VWA8: variants seen among roughly 807,000 people sequenced by gnomAD.
VWA8 encodes the protein von Willebrand factor A domain containing 8, also known as von Willebrand factor A domain-containing protein 8.
A neutral mutation model predicts 241.5 loss-of-function variants in VWA8; 221 were observed. The ratio of observed to expected loss-of-function variants is 0.91; its 90% CI spans 0.82 to 1.02. The LOEUF (loss-of-function observed/expected upper bound fraction) is 1.02, where lower values mean the gene tolerates loss of function less well. VWA8 is among the 50% of genes least tolerant of loss of function. The pLI, the probability that VWA8 is intolerant of heterozygous loss-of-function variation, is 0.00. For missense variants in VWA8, 2,322 were observed against 2,328.7 expected (o/e 1.00, Z 0.06); for synonymous variants, 852 against 827.1 (o/e 1.03, Z -0.52).
intron 1 of VWA8, among the ~76,000 whole-genome samples, chr13:41,958,921 A>T (rs1013884748): frequency 6.6e-6 from 1 of 152,240 alleles, no homozygotes; most frequent in African/African-American, 2.4e-5. Context: ...ATACGTATAT[A>T]ATACAGACTT....
intron 17 of VWA8, among the ~76,000 whole-genome samples, chr13:41,795,864 T>C (rs1346993941): frequency 6.6e-6 from 1 of 152,032 alleles, no homozygotes; most frequent in Admixed American, 6.6e-5. Flanking sequence ...ACCTAGGTGA[T>C]GGGTTGATCT....
intron 37 of VWA8, among the ~76,000 whole-genome samples, chr13:41,631,372 C>T (rs964273271): frequency 8.5e-5 from 13 of 152,092 alleles, no homozygotes; most frequent in Middle Eastern, 3.4e-3. Context: ...CCGGGTTATT[C>T]TTAAATCCTG....
In VWA8 at chr13:41,623,374, T is replaced by C. The variant is rs113801273; in HGVS notation, c.4612-8290A>G. ...GAAGTCACTTGTCTCTAATCTCCTA[T>C]GTAAGTAAATAATACATGTCCTTAT... On this transcript the variant is annotated intron_variant, in intron 37 of 44. Transcript: ENST00000379310. Among the ~76,000 whole-genome samples the C allele has an allele frequency of 4.6e-3, 703 of 152,302 alleles. 10 individuals are homozygous for C. The highest frequency in any genetic ancestry group is 0.016 in the African/African-American group (662 of 41,572).
At chr13:41,952,411 CT>C in intron 1 of VWA8, among the ~76,000 whole-genome samples, 1 of 152,248 alleles carries the variant, frequency 6.6e-6, no homozygotes, top group South Asian at 2.1e-4. Flanking sequence ...TCTACAGTAG[CT>C]TTTCTTTTAA....
intron 20 of VWA8, among the ~76,000 whole-genome samples, chr13:41,770,570 G>A (rs1475896071): frequency 6.6e-6 from 1 of 151,992 alleles, no homozygotes; most frequent in Non-Finnish European, 1.5e-5. Flanking sequence ...AGACAAGATA[G>A]AGCCACTTTC....
intron 26 of VWA8, among the ~76,000 whole-genome samples, chr13:41,717,437 C>T (rs1593716330): frequency 6.6e-6 from 1 of 151,876 alleles, no homozygotes. Flanking sequence ...GAATGGTGAG[C>T]TCTTTGAGGG....
Position 41,568,074 on chromosome 13 carries a change from G to C in VWA8, c.*123C>G, listed in dbSNP as rs1342470896. 1.3e-6 allele frequency: 1 copy of C among 783,608 alleles called. No individual in the cohort carries two copies. Among genetic ancestry groups the C allele is most frequent in the Non-Finnish European group, 2.1e-6 (1 of 478,352 alleles). The allele number at this position is 783,608 out of a possible 1,614,324, so 48.5% of individuals were successfully genotyped here. On this transcript the variant is annotated 3_prime_UTR_variant, in exon 45 of 45. Coordinates refer to ENST00000379310, the MANE Select transcript of VWA8 (RefSeq NM_015058.2). The stretch of plus-strand genomic sequence containing the variant: ...ACGGAGCAAGTGTAGGAAGACCCAG[G>C]AATGCCGGAATCATCCAGTCACTGC...
chr13:41,819,133 C>T, intron 15 of VWA8, 85 bp downstream of exon 15: 1 of 1,394,688 alleles, frequency 7.2e-7, no homozygotes, highest in Non-Finnish European at 9.6e-7. Context: ...CTAAAAATGT[C>T]TAACTCTACT....
chr13:41,844,905 AAACT>A (rs921670832), intron 12 of VWA8, among the ~76,000 whole-genome samples: 7 of 152,210 alleles, frequency 4.6e-5, no homozygotes, highest in Non-Finnish European at 8.8e-5. Flanking sequence ...CGGATGACAA[AAACT>A]AACGGAAAAA....
At chr13:41,782,410 G>A (rs1281193504) in intron 19 of VWA8, among the ~76,000 whole-genome samples, 3 of 152,134 alleles carry the variant, frequency 2.0e-5, no homozygotes, top group Non-Finnish European at 4.4e-5. Context: ...TGAATAGAGT[G>A]TAATACTATC....
chr13:41,620,764 T>C (rs1051374664), intron 37 of VWA8, among the ~76,000 whole-genome samples: 1 of 152,214 alleles, frequency 6.6e-6, no homozygotes, highest in Non-Finnish European at 1.5e-5. Flanking sequence ...TTATGTATTC[T>C]TTAAAAACAG....
chr13:41,927,806 A>C (rs1176448474), intron 2 of VWA8, among the ~76,000 whole-genome samples: 1 of 152,158 alleles, frequency 6.6e-6, no homozygotes, highest in Non-Finnish European at 1.5e-5. Flanking sequence ...GAGTGGCTGC[A>C]TGGATTTAAA....
intron 40 of VWA8, among the ~76,000 whole-genome samples, chr13:41,595,393 G>A (rs2044481767): frequency 6.6e-6 from 1 of 152,072 alleles, no homozygotes; most frequent in Admixed American, 6.6e-5. Flanking sequence ...CTTTTTGGGG[G>A]TTAACTTTTC....
chr13:41,699,010 T>C lies in VWA8; in HGVS notation c.3564+61A>G, dbSNP rs571020761. 1.3e-4 allele frequency: 207 copies of C among 1,603,710 alleles called. No homozygotes were observed. The African/African-American group carries it at 2.5e-3, about 19-fold the overall frequency. The stretch of plus-strand genomic sequence containing the variant: ...GCACATCTTTTCAGTTATAGGTTTC[T>C]AATCACTCTTGCCTTTCATGTAAGT... On this transcript the variant is annotated intron_variant, in intron 29 of 44. Coordinates refer to ENST00000379310, the MANE Select transcript of VWA8 (RefSeq NM_015058.2).
At chr13:41,916,194 G>A (rs952639508) in intron 2 of VWA8, among the ~76,000 whole-genome samples, 1 of 152,144 alleles carries the variant, frequency 6.6e-6, no homozygotes, top group African/African-American at 2.4e-5. Context: ...TAAATGCTGT[G>A]TTTGTTAAAT....
chr13:41,939,402 T>TA (rs1232485112), intron 2 of VWA8, among the ~76,000 whole-genome samples: 2 of 152,160 alleles, frequency 1.3e-5, no homozygotes, highest in African/African-American at 4.8e-5. Context: ...CTTCAACACT[T>TA]ACAGGTGAGA....
chr13:41,836,803 T>G (rs1871751230), intron 12 of VWA8, among the ~76,000 whole-genome samples: 1 of 152,180 alleles, frequency 6.6e-6, no homozygotes, highest in African/African-American at 2.4e-5. Context: ...GATTATTTTT[T>G]GCTACACAAT....
rs78015663 is a variant in VWA8, at chr13:41,603,189, C to G, written c.4986+1979G>C. Among the ~76,000 whole-genome samples the G allele has an allele frequency of 3.5e-3, 526 of 152,228 alleles. 3 individuals carry two copies. The highest frequency in any genetic ancestry group is 0.012 in the African/African-American group (509 of 41,566). Reference sequence around the variant, plus strand: ...TCTTACTTGTTGCTTTTACCTGAGACCTTCAGAGTTTTCATTCATTCCTCT... The same window carrying G: ...TCTTACTTGTTGCTTTTACCTGAGAGCTTCAGAGTTTTCATTCATTCCTCT... On this transcript the variant is annotated intron_variant, in intron 40 of 44. Coordinates refer to ENST00000379310, the MANE Select transcript of VWA8 (RefSeq NM_015058.2).
intron 26 of VWA8, among the ~76,000 whole-genome samples, chr13:41,706,114 A>T (rs140552178): frequency 6.6e-6 from 1 of 152,148 alleles, no homozygotes; most frequent in African/African-American, 2.4e-5. Context: ...TAAATGCTTT[A>T]AAAAAATAAA....
Sources: gnomAD v4.1 joint callset for allele counts (sites outside exome capture counted in the v4.1 genomes callset) on GRCh38, gnomAD v4.1.1 for gene constraint, MANE v1.5 for transcripts, NCBI Gene and HGNC (gene_info 2026-07-23, HGNC 2026-07-21) for gene names.